PDE4D: variants seen among roughly 807,000 people sequenced by gnomAD.
PDE4D encodes phosphodiesterase 4D, also known as 3',5'-cyclic-AMP phosphodiesterase 4D.
Under a neutral mutation model 87.4 loss-of-function variants are expected in PDE4D, and 24 were observed. The ratio of observed to expected loss-of-function variants is 0.27; its 90% CI spans 0.20 to 0.39. PDE4D has a LOEUF of 0.39. Ranked by LOEUF, PDE4D falls within the 10% of genes least tolerant of loss-of-function variation. The pLI is 1.00. For missense variants in PDE4D, 714 were observed against 1,041.0 expected, an observed-to-expected ratio of 0.69 and a Z score of 4.32; for synonymous variants, 384 against 383.2, an observed-to-expected ratio of 1.00 and a Z score of -0.02.
At chr5:60,034,740 G>A (rs73759012) in intron 2 of PDE4D, among the ~76,000 whole-genome samples, 2,495 of 152,208 alleles carry the variant, frequency 0.016, 35 homozygotes, top group Middle Eastern at 0.058. Context: ...CATGTTATTC[G>A]TTACACTAGG....
intron 2 of PDE4D, among the ~76,000 whole-genome samples, chr5:60,176,246 C>T (rs1783889088): frequency 6.6e-6 from 1 of 152,104 alleles, no homozygotes; most frequent in Non-Finnish European, 1.5e-5. Context: ...TGGTGTCTAC[C>T]CAAGGAAAAA....
chr5:59,803,336 C>T (rs1404336804), intron 1 of PDE4D, among the ~76,000 whole-genome samples: 1 of 148,628 alleles, frequency 6.7e-6, no homozygotes, highest in Non-Finnish European at 1.5e-5. Flanking sequence ...TTTGTCTCTG[C>T]CACCCAGGCT....
intron 1 of PDE4D, among the ~76,000 whole-genome samples, chr5:59,269,572 A>G (rs1451661891): frequency 6.6e-6 from 1 of 152,074 alleles, no homozygotes; most frequent in African/African-American, 2.4e-5. Context: ...AGAGAGTAAA[A>G]CTGTAAGTGA....
At chr5:59,351,889 T>G (rs1391540017) in intron 1 of PDE4D, among the ~76,000 whole-genome samples, 1 of 152,168 alleles carries the variant, frequency 6.6e-6, no homozygotes, top group African/African-American at 2.4e-5. Flanking sequence ...ATAGTACATC[T>G]GTTAGAACAA....
At chr5:60,213,421 C>T (rs1216297918) in intron 1 of PDE4D, among the ~76,000 whole-genome samples, 2 of 152,192 alleles carry the variant, frequency 1.3e-5, no homozygotes, top group African/African-American at 4.8e-5. Context: ...TTCCATCATA[C>T]TATACGTTCT....
At chr5:59,246,533 C>T (rs1561802455) in intron 1 of PDE4D, among the ~76,000 whole-genome samples, 1 of 152,228 alleles carries the variant, frequency 6.6e-6, no homozygotes, top group South Asian at 2.1e-4. Context: ...CTAGTTAAAA[C>T]CCGCTCTGAT....
intron 1 of PDE4D, among the ~76,000 whole-genome samples, chr5:60,361,550 T>C (rs539901141): frequency 1.3e-5 from 2 of 152,348 alleles, no homozygotes; most frequent in Middle Eastern, 3.4e-3. Context: ...CTGTTCACAA[T>C]TAGACTTTCT....
chr5:59,908,804 C>G (rs2152768318), intron 3 of PDE4D, among the ~76,000 whole-genome samples: 1 of 152,122 alleles, frequency 6.6e-6, no homozygotes, highest in Admixed American at 6.5e-5. Flanking sequence ...TAAAGAAATC[C>G]AGAAATCTTG....
At chr5:59,025,277 T>C (rs1441066728) in intron 6 of PDE4D, among the ~76,000 whole-genome samples, 1 of 152,196 alleles carries the variant, frequency 6.6e-6, no homozygotes, top group African/African-American at 2.4e-5. Flanking sequence ...ATCATTAATA[T>C]TGCAGTTCAT....
intron 1 of PDE4D, among the ~76,000 whole-genome samples, chr5:59,390,062 T>C (rs190781736): frequency 1.3e-5 from 2 of 152,210 alleles, no homozygotes; most frequent in African/African-American, 4.8e-5. Flanking sequence ...CCTGATTTGA[T>C]CATCACACAT....
At chr5:60,252,864 G>A (rs1008685019) in intron 1 of PDE4D, among the ~76,000 whole-genome samples, 8 of 151,672 alleles carry the variant, frequency 5.3e-5, no homozygotes, top group South Asian at 2.1e-4. Flanking sequence ...GCCACATCTC[G>A]AGGGAAGAGC....
chr5:60,276,624 T>TCACTTTCTTTTTTCTTTCCAC (rs1751390945), intron 1 of PDE4D, among the ~76,000 whole-genome samples: 1 of 152,176 alleles, frequency 6.6e-6, no homozygotes, highest in Non-Finnish European at 1.5e-5. Context: ...TTTCTGTACA[T>TCACTTTCTTTTTTCTTTCCAC]CACTTTCTTT....
At chr5:60,314,397 G>T (rs1026431667) in intron 1 of PDE4D, among the ~76,000 whole-genome samples, 1 of 151,984 alleles carries the variant, frequency 6.6e-6, no homozygotes, top group African/African-American at 2.4e-5. Context: ...GAACTCCTGA[G>T]ATCAGGCAAT....
chr5:59,110,252 T>A (rs1215692188), intron 5 of PDE4D, among the ~76,000 whole-genome samples: 1 of 152,226 alleles, frequency 6.6e-6, no homozygotes, highest in Non-Finnish European at 1.5e-5. Context: ...ACTCAGAGGC[T>A]GTGACAAGAT....
At chr5:60,514,231 T>G (rs1750697042) in intron 1 of PDE4D, among the ~76,000 whole-genome samples, 1 of 152,056 alleles carries the variant, frequency 6.6e-6, no homozygotes, top group Admixed American at 6.6e-5. Flanking sequence ...CTTGTTTATA[T>G]GAAATGGACG....
At chr5:59,505,772 A>G (rs1809147655) in intron 1 of PDE4D, among the ~76,000 whole-genome samples, 2 of 152,210 alleles carry the variant, frequency 1.3e-5, no homozygotes, top group Admixed American at 1.3e-4. Flanking sequence ...TAAGACTATG[A>G]AGCTTTTTGC....
intron 1 of PDE4D, among the ~76,000 whole-genome samples, chr5:59,889,192 C>T (rs921982510): frequency 7.1e-6 from 1 of 140,268 alleles, no homozygotes; most frequent in African/African-American, 2.7e-5. Flanking sequence ...TGTGCCACTG[C>T]ACACTCCAGC....
chr5:59,757,834 T>C (rs1007743953), intron 1 of PDE4D, among the ~76,000 whole-genome samples: 8 of 152,290 alleles, frequency 5.3e-5, no homozygotes, highest in African/African-American at 1.9e-4. Context: ...CTGAATCAAA[T>C]GTTCTCCATT....
intron 1 of PDE4D, among the ~76,000 whole-genome samples, chr5:59,704,993 C>T (rs1753177440): frequency 6.6e-6 from 1 of 152,140 alleles, no homozygotes; most frequent in Admixed American, 6.6e-5. Flanking sequence ...ACCAGCCTTC[C>T]CTTATTTACA....
Sources: gnomAD v4.1 joint callset for allele counts (sites outside exome capture counted in the v4.1 genomes callset) on GRCh38, gnomAD v4.1.1 for gene constraint, MANE v1.5 for transcripts, NCBI Gene and HGNC (gene_info 2026-07-23, HGNC 2026-07-21) for gene names.